The following GUF1 variants were observed in gnomAD, a reference collection of about 807,000 sequenced individuals.
GUF1 encodes the protein translation factor GUF1, mitochondrial.
In GUF1, 78 loss-of-function variants were observed where a neutral mutation model predicts 82.4. That is an observed-to-expected ratio of 0.95 (90% CI 0.79 to 1.14). GUF1 has a LOEUF of 1.14. Ranked by LOEUF, GUF1 falls within the 50% of genes most tolerant of loss-of-function variation. The pLI is 0.00. For synonymous variants in GUF1, 279 were observed against 282.3 expected (o/e 0.99, Z 0.12); for missense variants, 814 against 798.2 (o/e 1.02, Z -0.24).
intron 16 of GUF1, among the ~76,000 whole-genome samples, chr4:44,698,137 C>G (rs898864554): frequency 3.3e-5 from 5 of 152,036 alleles, no homozygotes; most frequent in Admixed American, 6.5e-5. Context: ...GAGGGAAACT[C>G]TATCTCAAAA....
Position 44,678,473 on chromosome 4 carries a change from G to C in GUF1, c.-150G>C. ...GGGTTGCTTCCGGATCTGGTACTTG[G>C]GCAGAGCTCCCCGGGGTTCATTGTC... On this transcript the variant is annotated 5_prime_UTR_variant, in exon 1 of 17. Coordinates refer to ENST00000281543, the MANE Select transcript of GUF1 (RefSeq NM_021927.3). 1.7e-6 allele frequency: 1 copy of C among 602,570 alleles called. No homozygotes were observed. Among genetic ancestry groups the C allele is most frequent in the Non-Finnish European group, 2.5e-6 (1 of 396,536 alleles). 37.3% of individuals were successfully genotyped at this position (602,570 alleles called of 1,614,324 possible). A position where few individuals can be genotyped will look rare whatever the true frequency, so the allele number is the denominator to read the frequency against.
chr4:44,694,459 T>C lies in GUF1; in HGVS notation c.1661T>C (p.Met554Thr), dbSNP rs1466898437. ...TACCAGACTGCAGAACTTGTAAAAA[T>C]GGATATTCTACTGAATGGAAATACT... ...AGYQTAELVKMDILLNGNTVE... is the reference protein window; with the variant it reads ...AGYQTAELVKTDILLNGNTVE... The change falls in exon 14 of 17, where the codon ATG (methionine) becomes ACG (threonine). Residue 554 changes from methionine to threonine, a missense_variant. Coordinates refer to ENST00000281543, the MANE Select transcript of GUF1 (RefSeq NM_021927.3). 1.2e-6 allele frequency: 2 copies of C among 1,612,578 alleles called. No homozygotes were observed. The highest frequency in any genetic ancestry group is 1.7e-6 in the Non-Finnish European group (2 of 1,179,098).
At chr4:44,683,931 T>A (rs886641686) in intron 6 of GUF1, among the ~76,000 whole-genome samples, 15 of 152,126 alleles carry the variant, frequency 9.9e-5, no homozygotes. Flanking sequence ...TCAAGCTAAT[T>A]TAATTTTCAA....
Position 44,691,767 on chromosome 4 carries a change from C to T in GUF1, c.1581C>T (p.Asp527=), listed in dbSNP as rs201654970. The change falls in exon 13 of 17, where the codon GAC becomes GAT. Residue 527 remains aspartate (D), a synonymous_variant. Coordinates refer to ENST00000281543, the MANE Select transcript of GUF1 (RefSeq NM_021927.3). ...PLNEIVVDFY[D]SLKSLSSGYA... ...ATGAAATTGTGGTAGATTTTTATGA[C>T]TCTTTGAAATCCCTATCTTCTGGAT... 2 of 1,594,768 alleles carry T rather than the reference C, an allele frequency of 1.3e-6. No individual in the cohort carries two copies. Among genetic ancestry groups the T allele is most frequent in the Admixed American group, 3.4e-5 (2 of 58,014 alleles).
intron 16 of GUF1, among the ~76,000 whole-genome samples, chr4:44,697,916 G>A (rs1349509586): frequency 6.6e-6 from 1 of 152,094 alleles, no homozygotes; most frequent in Non-Finnish European, 1.5e-5. Context: ...AGGCCAAGAT[G>A]GGCAGATCAC....
At position 44,678,635 on chromosome 4, in the gene GUF1, G is replaced by T. The variant is rs752759099; in HGVS notation, c.13G>T (p.Val5Leu). The change falls in exon 1 of 17, where the codon GTG (valine) becomes TTG (leucine). Residue 5 changes from valine (V) to leucine (L), a missense_variant. Transcript: ENST00000281543. MWTL[V>L]GRGWGCARAL... ...CGCCGCCCGGGTCATGTGGACCCTC[G>T]TGGGTCGGGGCTGGGGGTGCGCACG... is the stretch of plus-strand genomic sequence containing the variant. 3.4e-6 allele frequency: 5 copies of T among 1,469,470 alleles called. No homozygotes were observed. Among genetic ancestry groups the T allele is most frequent in the Admixed American group, 3.0e-5 (1 of 33,210 alleles). 91.0% of individuals were successfully genotyped at this position (1,469,470 alleles called of 1,614,324 possible).
In GUF1 at chr4:44,680,427, T is replaced by C; in HGVS notation, c.166-14T>C. On this transcript the variant is annotated splice_polypyrimidine_tract_variant and intron_variant, in intron 1 of 16. Coordinates refer to ENST00000281543, the MANE Select transcript of GUF1 (RefSeq NM_021927.3). ...CAAATTTATACTCCTAAATGTGGTA[T>C]TTCCCCTTTCTAGGAAAAACTTGAC... is the stretch of plus-strand genomic sequence containing the variant. 7.6e-7 allele frequency: 1 copy of C among 1,318,480 alleles called. No individual in the cohort carries two copies. Among genetic ancestry groups the C allele is most frequent in the Non-Finnish European group, 1.1e-6 (1 of 921,108 alleles). 81.7% of individuals were successfully genotyped at this position (1,318,480 alleles called of 1,614,324 possible).
At chr4:44,686,756 G>T in intron 8 of GUF1, 43 bp downstream of exon 8, 1 of 1,312,876 alleles carries the variant, frequency 7.6e-7, no homozygotes. Flanking sequence ...ATTTGTATGT[G>T]GTTCTATTTC....
rs776075779 is a variant in GUF1, at chr4:44,681,134, T to C, written c.438T>C (p.Asp146=). 6.2e-7 allele frequency: 1 copy of C among 1,612,804 alleles called. No homozygotes were observed. Among genetic ancestry groups the C allele is most frequent in the East Asian group, 2.2e-5 (1 of 44,792 alleles). Residue 146 remains aspartate (D), a synonymous_variant, in exon 4 of 17, where the codon GAT becomes GAC. Transcript: ENST00000281543. ...TTTTTGTTTCTCAGGGCCATGTTGA[T>C]TTTAGTTATGAAGTATCCAGGTCAC... ...LNLIDTPGHV[D]FSYEVSRSLS... is the part of the protein sequence containing the mutation.
At position 44,698,563 on chromosome 4, in the gene GUF1, GA is replaced by G; in HGVS notation, c.1897del (p.Met633Ter). On this transcript the variant is annotated frameshift_variant, in exon 17 of 17. Coordinates refer to ENST00000281543, the MANE Select transcript of GUF1 (RefSeq NM_021927.3). LOFTEE classifies it high-confidence loss of function. Reference sequence around the variant, plus strand: ...TTTCAGTATGGTGGTGATATTACCCGAAAAATGAAGCTTTTGAAGAGACAAG... The same window carrying G: ...TTTCAGTATGGTGGTGATATTACCCGAAAATGAAGCTTTTGAAGAGACAAG... ...LAKCYGGDIT[R>X]KMKLLKRQAE... 1 of 1,597,346 alleles carries G rather than the reference GA, an allele frequency of 6.3e-7. No homozygotes were observed. Among genetic ancestry groups the G allele is most frequent in the Admixed American group, 1.8e-5 (1 of 55,784 alleles).
rs745933212 is a variant in GUF1, at chr4:44,700,865, T to C, written c.*2184T>C. On this transcript the variant is annotated 3_prime_UTR_variant, in exon 17 of 17. Transcript: ENST00000281543. The stretch of plus-strand genomic sequence containing the variant: ...GGTTCTGATAAAAACAGATGAAATC[T>C]GAAAGACCATGACAGTAGTATTTTG... 3.3e-5 allele frequency: 5 copies of C among 152,202 alleles called. No individual in the cohort carries two copies. The highest frequency in any genetic ancestry group is 7.3e-5 in the Non-Finnish European group (5 of 68,042). 9.4% of individuals were successfully genotyped at this position (152,202 alleles called of 1,614,324 possible). A position where few individuals can be genotyped will look rare whatever the true frequency, so the allele number is the denominator to read the frequency against.
chr4:44,685,850 A>T (rs1715013792), intron 6 of GUF1, 109 bp from the exon 7 acceptor site: 1 of 652,366 alleles, frequency 1.5e-6, no homozygotes, highest in Admixed American at 2.7e-5. Context: ...TCTCAAATTG[A>T]TAACTATTGG....
At chr4:44,688,201 T>A (rs1052914325) in intron 9 of GUF1, 55 bp downstream of exon 9, 7 of 1,538,938 alleles carry the variant, frequency 4.5e-6, no homozygotes, top group Non-Finnish European at 5.3e-6. Context: ...AAACTAAAAG[T>A]CTGTCTCAGT....
At chr4:44,679,359 T>A (rs1714633264) in intron 1 of GUF1, among the ~76,000 whole-genome samples, 3 of 152,174 alleles carry the variant, frequency 2.0e-5, no homozygotes, top group Admixed American at 2.0e-4. Flanking sequence ...ACCTGTGTAA[T>A]TTTGACTCTG....
chr4:44,689,799 C>A, intron 10 of GUF1, 44 bp from the exon 11 acceptor site: 3 of 1,527,286 alleles, frequency 2.0e-6, no homozygotes, highest in South Asian at 1.3e-5. Flanking sequence ...AAAATGAAGC[C>A]CATGGGACAT....
chr4:44,695,573 T>A, intron 14 of GUF1, 42 bp from the exon 15 acceptor site: 1 of 1,556,320 alleles, frequency 6.4e-7, no homozygotes, highest in South Asian at 1.2e-5. Context: ...CTTGAAATAT[T>A]CTTATTTAGG....
intron 1 of GUF1, among the ~76,000 whole-genome samples, chr4:44,679,481 TAA>T (rs1714639323): frequency 6.6e-6 from 1 of 152,202 alleles, no homozygotes; most frequent in African/African-American, 2.4e-5. Flanking sequence ...GACAAAACCT[TAA>T]ATTAATCAAC....
At position 44,687,999 on chromosome 4, in the gene GUF1, T is replaced by G. The variant is rs879061767; in HGVS notation, c.939-8T>G. The G allele has an allele frequency of 6.2e-7, 1 of 1,604,618 alleles. No homozygotes were observed. Among genetic ancestry groups the G allele is most frequent in the South Asian group, 1.1e-5 (1 of 89,570 alleles). Reference sequence around the variant, plus strand: ...CAGTAAATATTTGCATATAATAATTTTATTTAGATATGCAGGACAGGTGGG... The same window carrying G: ...CAGTAAATATTTGCATATAATAATTGTATTTAGATATGCAGGACAGGTGGG... On this transcript the variant is annotated splice_region_variant and splice_polypyrimidine_tract_variant and intron_variant, in intron 8 of 16. Coordinates refer to ENST00000281543, the MANE Select transcript of GUF1 (RefSeq NM_021927.3).
chr4:44,689,582 T>C (rs1445892149), intron 10 of GUF1, among the ~76,000 whole-genome samples, 173 bp downstream of exon 10: 1 of 151,848 alleles, frequency 6.6e-6, no homozygotes, highest in African/African-American at 2.4e-5. Flanking sequence ...TAGTGTAAAG[T>C]GAACGAAAAC....
Sources: allele counts gnomAD v4.1 joint callset (sites outside exome capture counted in the v4.1 genomes callset), GRCh38; gene constraint gnomAD v4.1.1; transcripts MANE v1.5; gene names NCBI Gene and HGNC (gene_info 2026-07-23, HGNC 2026-07-21).